The following INPP4B variants were observed in gnomAD, a reference collection of about 807,000 sequenced individuals.
The protein encoded by INPP4B is inositol polyphosphate-4-phosphatase type II B.
A neutral mutation model predicts 122.5 loss-of-function variants in INPP4B; 55 were observed. That is an observed-to-expected ratio of 0.45 (90% CI 0.36 to 0.56). The LOEUF is 0.56. Ranked by LOEUF, INPP4B falls within the 20% of genes least tolerant of loss-of-function variation. The probability of loss-of-function intolerance (pLI) is 0.00; values close to 1 mark genes in which losing one functional copy is unlikely to be tolerated. For synonymous variants in INPP4B, 403 were observed against 388.7 expected, an observed-to-expected ratio of 1.04 and a Z score of -0.43; for missense variants, 1,000 against 1,097.7, an observed-to-expected ratio of 0.91 and a Z score of 1.26.
At chr4:142,812,772 G>T (rs1356301895) in intron 1 of INPP4B, among the ~76,000 whole-genome samples, 3 of 152,130 alleles carry the variant, frequency 2.0e-5, no homozygotes, top group African/African-American at 7.2e-5. Context: ...AGAATCTGCA[G>T]ACTCTAGGAT....
chr4:142,211,453 C>A (rs1844859880), intron 12 of INPP4B, among the ~76,000 whole-genome samples: 1 of 152,104 alleles, frequency 6.6e-6, no homozygotes, highest in East Asian at 1.9e-4. Flanking sequence ...CTTTCCTTGG[C>A]ATCTCAATTC....
chr4:142,410,545 T>C (rs914494014), intron 5 of INPP4B, among the ~76,000 whole-genome samples: 2 of 152,222 alleles, frequency 1.3e-5, no homozygotes, highest in Non-Finnish European at 2.9e-5. Flanking sequence ...AATTCTGTAC[T>C]CAAAATTAGC....
At chr4:142,285,767 A>T (rs2150875004) in intron 9 of INPP4B, among the ~76,000 whole-genome samples, 1 of 152,228 alleles carries the variant, frequency 6.6e-6, no homozygotes, top group South Asian at 2.1e-4. Context: ...CATGCAGATG[A>T]AAGATGACCC....
chr4:142,076,884 A>T (rs1429345810), intron 25 of INPP4B, among the ~76,000 whole-genome samples: 1 of 152,112 alleles, frequency 6.6e-6, no homozygotes, highest in Non-Finnish European at 1.5e-5. Context: ...CAAAGAAAAA[A>T]ATAAGCTCAA....
At chr4:142,507,997 A>G (rs1824231510) in intron 2 of INPP4B, among the ~76,000 whole-genome samples, 1 of 152,150 alleles carries the variant, frequency 6.6e-6, no homozygotes, top group African/African-American at 2.4e-5. Flanking sequence ...CTTTTCTTAA[A>G]GCATTACAAC....
intron 9 of INPP4B, among the ~76,000 whole-genome samples, chr4:142,286,192 T>G (rs977101305): frequency 6.6e-6 from 1 of 152,234 alleles, no homozygotes; most frequent in Non-Finnish European, 1.5e-5. Context: ...AAATCAAATG[T>G]CCTGCATCCA....
At chr4:142,257,233 A>G (rs892195063) in intron 11 of INPP4B, among the ~76,000 whole-genome samples, 22 of 152,146 alleles carry the variant, frequency 1.4e-4, no homozygotes, top group African/African-American at 5.1e-4. Flanking sequence ...TCTGTGACAA[A>G]CCCACAGCCA....
intron 25 of INPP4B, among the ~76,000 whole-genome samples, chr4:142,061,123 A>T (rs942755782): frequency 1.2e-4 from 18 of 152,302 alleles, no homozygotes; most frequent in African/African-American, 4.1e-4. Context: ...AGGTGAATGG[A>T]TCAATAATTG....
intron 2 of INPP4B, among the ~76,000 whole-genome samples, chr4:142,494,280 T>A (rs1207415134): frequency 6.6e-6 from 1 of 152,152 alleles, no homozygotes; most frequent in African/African-American, 2.4e-5. Flanking sequence ...TAATTTAGAA[T>A]TGTCTACTTC....
chr4:142,302,750 G>T (rs1278285436), intron 9 of INPP4B, among the ~76,000 whole-genome samples: 2 of 151,796 alleles, frequency 1.3e-5, no homozygotes, highest in East Asian at 3.9e-4. Context: ...TAGAAGTCAG[G>T]ACTACACGGC....
chr4:142,472,719 A>G (rs1200453267), intron 2 of INPP4B, among the ~76,000 whole-genome samples: 1 of 152,182 alleles, frequency 6.6e-6, no homozygotes, highest in Non-Finnish European at 1.5e-5. Flanking sequence ...CTCCAAAGCA[A>G]AGATGTGAAT....
chr4:142,693,947 G>C (rs1345042116), intron 2 of INPP4B, among the ~76,000 whole-genome samples: 1 of 151,134 alleles, frequency 6.6e-6, no homozygotes, highest in Non-Finnish European at 1.5e-5. Flanking sequence ...TTCTCTCTAT[G>C]TGTCTATATG....
At chr4:142,667,779 A>G (rs1756366891) in intron 2 of INPP4B, among the ~76,000 whole-genome samples, 2 of 152,216 alleles carry the variant, frequency 1.3e-5, no homozygotes, top group South Asian at 4.1e-4. Flanking sequence ...CTCACAGTAG[A>G]TGATTGAATA....
At position 142,215,892 on chromosome 4, in the gene INPP4B, C is replaced by CAAAAA; in HGVS notation, c.837-6871_837-6867dup. ...TGGGCAACAGACCAAGACTCTGTCT[C>CAAAAA]AAAAAAAAAAAAAAAAAAAAAAAAA... On this transcript the variant is annotated intron_variant, in intron 12 of 25. Transcript: ENST00000262992. Among the ~76,000 whole-genome samples, 187 of 54,562 alleles carry CAAAAA rather than the reference C, an allele frequency of 3.4e-3. 13 individuals are homozygous for CAAAAA. Among genetic ancestry groups the CAAAAA allele is most frequent in the African/African-American group, 4.5e-3 (60 of 13,302 alleles). 35.8% of individuals were successfully genotyped at this position (54,562 alleles called of 152,430 possible). A position where few individuals can be genotyped will look rare whatever the true frequency, so the allele number is the denominator to read the frequency against.
chr4:142,729,240 G>A (rs754318809), intron 1 of INPP4B, among the ~76,000 whole-genome samples: 4 of 152,168 alleles, frequency 2.6e-5, no homozygotes, highest in South Asian at 2.1e-4. Context: ...TGTGTGGCCC[G>A]GTTTCTAACA....
At chr4:142,169,107 T>C (rs1007117480) in intron 16 of INPP4B, among the ~76,000 whole-genome samples, 5 of 151,668 alleles carry the variant, frequency 3.3e-5, no homozygotes, top group African/African-American at 1.2e-4. Context: ...TATAGTCTCA[T>C]TGTCAATGTT....
At chr4:142,442,127 GGCCAGGC>G in intron 3 of INPP4B, among the ~76,000 whole-genome samples, 2 of 151,910 alleles carry the variant, frequency 1.3e-5, no homozygotes, top group Admixed American at 6.6e-5. Flanking sequence ...GAAAAACATG[GGCCAGGC>G]ACGGTGGCTC....
chr4:142,641,301 G>T (rs1242984940), intron 2 of INPP4B, among the ~76,000 whole-genome samples: 1 of 151,764 alleles, frequency 6.6e-6, no homozygotes, highest in African/African-American at 2.4e-5. Context: ...TTAAGTTCTA[G>T]GGTACATGTG....
intron 2 of INPP4B, among the ~76,000 whole-genome samples, chr4:142,474,686 T>C (rs1185114942): frequency 6.6e-6 from 1 of 152,162 alleles, no homozygotes; most frequent in East Asian, 1.9e-4. Context: ...AGTCAACGCC[T>C]ACTAGAGCTT....
Sources: gnomAD v4.1 joint callset for allele counts (sites outside exome capture counted in the v4.1 genomes callset) on GRCh38, gnomAD v4.1.1 for gene constraint, MANE v1.5 for transcripts, NCBI Gene and HGNC (gene_info 2026-07-23, HGNC 2026-07-21) for gene names.